The following MAP4 variants were observed in gnomAD, a reference collection of about 807,000 sequenced individuals.
The protein encoded by MAP4 is microtubule associated protein 4.
A neutral mutation model predicts 170.2 loss-of-function variants in MAP4; 76 were observed. The ratio of observed to expected loss-of-function variants is 0.45; its 90% CI spans 0.37 to 0.54. The LOEUF is 0.54. Among genes scored for constraint, MAP4 ranks in the 20% least tolerant of loss-of-function variants. The probability of loss-of-function intolerance (pLI) is 0.00; values close to 1 mark genes in which losing one functional copy is unlikely to be tolerated. For missense variants in MAP4, 2,506 were observed against 2,748.0 expected (o/e 0.91, Z 1.97); for synonymous variants, 909 against 994.5 (o/e 0.91, Z 1.62).
At chr3:47,958,978 G>T (rs1316356443) in intron 3 of MAP4, among the ~76,000 whole-genome samples, 2 of 151,868 alleles carry the variant, frequency 1.3e-5, no homozygotes, top group Non-Finnish European at 2.9e-5. Context: ...CACCGCACCC[G>T]CCTTGAAATT....
intron 3 of MAP4, among the ~76,000 whole-genome samples, chr3:47,939,924 AC>A (rs1378086770): frequency 6.6e-6 from 1 of 151,620 alleles, no homozygotes; most frequent in Non-Finnish European, 1.5e-5. Flanking sequence ...ACTCACTGCA[AC>A]CTCCCAGGTT....
chr3:48,034,251 G>T (rs1433026113), intron 1 of MAP4, among the ~76,000 whole-genome samples: 2 of 152,146 alleles, frequency 1.3e-5, no homozygotes. Context: ...AGAAAGGAAT[G>T]ATCTCATCCC....
At chr3:47,874,020 T>C (rs563556298) in intron 12 of MAP4, among the ~76,000 whole-genome samples, 1 of 152,218 alleles carries the variant, frequency 6.6e-6, no homozygotes, top group South Asian at 2.1e-4. Flanking sequence ...TCTCTACAAA[T>C]CTTTCTACCA....
intron 10 of MAP4, among the ~76,000 whole-genome samples, chr3:47,886,183 G>A (rs1490982108): frequency 1.3e-5 from 2 of 152,236 alleles, no homozygotes; most frequent in East Asian, 1.9e-4. Context: ...CAGGCATGCA[G>A]TAACTCGACC....
At chr3:47,898,859 A>G (rs1160524678) in intron 10 of MAP4, among the ~76,000 whole-genome samples, 1 of 151,998 alleles carries the variant, frequency 6.6e-6, no homozygotes, top group Non-Finnish European at 1.5e-5. Context: ...GGGAGGCTGA[A>G]GAAGGAGGAT....
intron 1 of MAP4, among the ~76,000 whole-genome samples, chr3:48,067,929 T>C (rs1409221603): frequency 6.6e-6 from 1 of 152,032 alleles, no homozygotes; most frequent in Non-Finnish European, 1.5e-5. Flanking sequence ...CGTGAGCCAC[T>C]GCAACTGGCC....
At chr3:47,909,010 C>A (rs1286368188) in intron 9 of MAP4, 28 bp downstream of exon 9, 2 of 1,590,692 alleles carry the variant, frequency 1.3e-6, no homozygotes, top group South Asian at 2.3e-5. Flanking sequence ...GCCACAAGCA[C>A]ACACATTTCC....
At chr3:48,045,484 A>C (rs1181178837) in intron 1 of MAP4, among the ~76,000 whole-genome samples, 1 of 151,884 alleles carries the variant, frequency 6.6e-6, no homozygotes. Context: ...TAGACTGTGC[A>C]CTCTTTATGA....
rs751251812 is a variant in MAP4 at position 47,909,664 on chromosome 3, A to G, written c.4757T>C (p.Leu1586Pro). The G allele has an allele frequency of 6.2e-7, 1 of 1,613,952 alleles. No individual in the cohort carries two copies. The change falls in exon 9 of 21, where the codon CTA becomes CCA. Residue 1586 changes from leucine (L) to proline (P), a missense_variant. Leu to Pro is a moderately conservative substitution (Grantham distance 98). Transcript: ENST00000683076. ...TTCTAGGGCTCTGGCCTCTCCTGGT[A>G]GGCTCTGGTCTTCTACTGGCACTCC... ...LPGVPVEDQSLPGEARALEGY... is the reference protein window; with the variant it reads ...LPGVPVEDQSPPGEARALEGY...
chr3:47,944,442 A>C (rs1338794812), intron 3 of MAP4, among the ~76,000 whole-genome samples: 2 of 152,098 alleles, frequency 1.3e-5, no homozygotes, highest in Non-Finnish European at 2.9e-5. Flanking sequence ...AAATGATATT[A>C]TATGACTGCT....
At chr3:48,003,835 C>T (rs2100100676) in intron 1 of MAP4, among the ~76,000 whole-genome samples, 1 of 152,062 alleles carries the variant, frequency 6.6e-6, no homozygotes, top group Admixed American at 6.6e-5. Flanking sequence ...TGGGTGGGCA[C>T]CATCTAATCA....
intron 3 of MAP4, among the ~76,000 whole-genome samples, chr3:47,969,571 C>G (rs918149911): frequency 2.6e-5 from 4 of 152,154 alleles, no homozygotes; most frequent in African/African-American, 9.6e-5. Flanking sequence ...CTTGGTTAGA[C>G]ACTTCTTGTG....
chr3:48,075,406 T>C (rs1052578915), intron 1 of MAP4, among the ~76,000 whole-genome samples: 2 of 151,844 alleles, frequency 1.3e-5, no homozygotes, highest in African/African-American at 4.8e-5. Flanking sequence ...ATGCCTGTAA[T>C]CCCAGCTACT....
At chr3:47,969,408 C>A (rs1277186113) in intron 3 of MAP4, among the ~76,000 whole-genome samples, 1 of 91,774 alleles carries the variant, frequency 1.1e-5, no homozygotes, top group Admixed American at 1.3e-4. Context: ...CTCTGTCTCG[C>A]GGGGCGCGGG....
chr3:47,914,373 C>T (rs2100037470), intron 8 of MAP4, among the ~76,000 whole-genome samples: 1 of 151,982 alleles, frequency 6.6e-6, no homozygotes, highest in Non-Finnish European at 1.5e-5. Context: ...GCCTGGCCAA[C>T]ATGGTGAAAC....
At chr3:47,986,604 T>G (rs1415534862) in intron 2 of MAP4, among the ~76,000 whole-genome samples, 2 of 152,124 alleles carry the variant, frequency 1.3e-5, no homozygotes, top group East Asian at 3.8e-4. Flanking sequence ...GCCTCCCAAG[T>G]GCTGAGATTA....
In MAP4 at chr3:47,852,818, C is replaced by T. The variant is rs1252454985; in HGVS notation, c.*116G>A. On this transcript the variant is annotated 3_prime_UTR_variant, in exon 21 of 21. Transcript: ENST00000683076. ...TAGTGGACAGCCCGGGAAAGGGGGC[C>T]AAGGACCCGGGAGCCCGAGTTGGGG... is the stretch of plus-strand genomic sequence containing the variant. 1.3e-6 allele frequency: 2 copies of T among 1,550,698 alleles called. No individual in the cohort carries two copies. Among genetic ancestry groups the T allele is most frequent in the Admixed American group, 2.0e-5 (1 of 51,016 alleles).
At chr3:48,003,468 A>C (rs897561160) in intron 1 of MAP4, among the ~76,000 whole-genome samples, 37 of 152,050 alleles carry the variant, frequency 2.4e-4, no homozygotes, top group Admixed American at 8.5e-4. Context: ...AAAAAAAAAA[A>C]AAAAACATAT....
intron 1 of MAP4, among the ~76,000 whole-genome samples, chr3:48,067,650 T>A (rs367629100): frequency 2.9e-3 from 330 of 113,278 alleles, no homozygotes; most frequent in Non-Finnish European, 4.5e-3. Context: ...TTTTTTTTTT[T>A]AAATCCCCAG....
Sources: allele counts gnomAD v4.1 joint callset (sites outside exome capture counted in the v4.1 genomes callset), GRCh38; gene constraint gnomAD v4.1.1; transcripts MANE v1.5; gene names NCBI Gene and HGNC (gene_info 2026-07-23, HGNC 2026-07-21).